ZNF207: variants seen among roughly 807,000 people sequenced by gnomAD.
ZNF207 encodes BUB3-interacting and GLEBS motif-containing protein ZNF207.
Under a neutral mutation model 60.2 loss-of-function variants are expected in ZNF207, and 24 were observed. The ratio of observed to expected loss-of-function variants is 0.40; its 90% CI spans 0.29 to 0.56. ZNF207 has a LOEUF of 0.56. Ranked by LOEUF, ZNF207 falls within the 20% of genes least tolerant of loss-of-function variation. ZNF207 has a pLI of 0.49. For missense variants in ZNF207, 452 were observed against 636.6 expected (o/e 0.71, Z 3.12); for synonymous variants, 236 against 194.7 (o/e 1.21, Z -1.77).
intron 1 of ZNF207, chr17:32,351,421 C>CA: frequency 7.7e-7 from 1 of 1,299,032 alleles, no homozygotes; most frequent in Non-Finnish European, 9.8e-7. Context: ...ATTGTCTTGA[C>CA]AGAACCTTAG....
chr17:32,374,761 A>G lies in ZNF207; in HGVS notation c.*5002A>G, dbSNP rs927739477. ...ACCTTTCAGCATGGATGGATTACTA[A>G]TTTTCAGGTATCGAAACTGAAATTT... On this transcript the variant is annotated 3_prime_UTR_variant, in exon 12 of 12. Transcript: ENST00000394670. 2.0e-5 allele frequency: 3 copies of G among 152,182 alleles called. No homozygotes were observed. The highest frequency in any genetic ancestry group is 7.2e-5 in the African/African-American group (3 of 41,450). The allele number at this position is 152,182 out of a possible 1,614,324, so 9.4% of individuals were successfully genotyped here. A position where few individuals can be genotyped will look rare whatever the true frequency, so the allele number is the denominator to read the frequency against.
intron 2 of ZNF207, among the ~76,000 whole-genome samples, chr17:32,357,862 T>A (rs760830840): frequency 4.6e-5 from 7 of 151,768 alleles, no homozygotes; most frequent in Non-Finnish European, 8.8e-5. Context: ...TGCAGTGGTG[T>A]GACCTCTGCT....
rs1331107663 is a variant in ZNF207 at position 32,370,700 on chromosome 17, T to G, written c.*941T>G. 1 of 152,254 alleles carries G rather than the reference T, an allele frequency of 6.6e-6. No homozygotes were observed. Among genetic ancestry groups the G allele is most frequent in the African/African-American group, 2.4e-5 (1 of 41,466 alleles). The allele number at this position is 152,254 out of a possible 1,614,324, so 9.4% of individuals were successfully genotyped here. On this transcript the variant is annotated 3_prime_UTR_variant, in exon 12 of 12. Transcript: ENST00000394670. Reference sequence around the variant, plus strand: ...CACTTTTCCTTCCTGCTGAGATGTTTAGAGCCTAGTGCCAGACCCATTCAT... The same window carrying G: ...CACTTTTCCTTCCTGCTGAGATGTTGAGAGCCTAGTGCCAGACCCATTCAT...
At position 32,360,595 on chromosome 17, in the gene ZNF207, CAGAA is replaced by C. The variant is rs777468368; in HGVS notation, c.308_311del (p.Glu103ValfsTer60). On this transcript the variant is annotated splice_acceptor_variant and coding_sequence_variant, in exon 4 of 12. Coordinates refer to ENST00000394670, the MANE Select transcript of ZNF207 (RefSeq NM_001098507.2). LOFTEE classifies it high-confidence loss of function. ...TATGGAAATAATTTTTTTTTTTTAACAGAAAGTCAAAAAAAGAAGCAACAAGATG... is the reference window on the plus strand; with the variant it reads ...TATGGAAATAATTTTTTTTTTTTAACAGTCAAAAAAAGAAGCAACAAGATG... The C allele has an allele frequency of 1.9e-6, 3 of 1,568,602 alleles. No homozygotes were observed. The highest frequency in any genetic ancestry group is 2.6e-6 in the Non-Finnish European group (3 of 1,164,012).
In ZNF207 at chr17:32,371,986, G is replaced by A. The variant is rs914877039; in HGVS notation, c.*2227G>A. 6.6e-6 allele frequency: 1 copy of A among 152,072 alleles called. No individual in the cohort carries two copies. Among genetic ancestry groups the A allele is most frequent in the African/African-American group, 2.4e-5 (1 of 41,388 alleles). 9.4% of individuals were successfully genotyped at this position (152,072 alleles called of 1,614,324 possible). A position where few individuals can be genotyped will look rare whatever the true frequency, so the allele number is the denominator to read the frequency against. ...AATATACTGCTGAAGGAAAACTTGT[G>A]TTGAAAGTCTTTAAGATAAAAATGG... On this transcript the variant is annotated 3_prime_UTR_variant, in exon 12 of 12. Transcript: ENST00000394670.
intron 2 of ZNF207, among the ~76,000 whole-genome samples, chr17:32,356,846 G>GA (rs953452362): frequency 1.3e-5 from 2 of 151,906 alleles, no homozygotes; most frequent in Non-Finnish European, 2.9e-5. Context: ...ACAATATAAT[G>GA]AAAAAAAATC....
rs1325007759 is a variant in ZNF207, at chr17:32,380,875, T to G, written c.*11116T>G. 1 of 151,906 alleles carries G rather than the reference T, an allele frequency of 6.6e-6. No homozygotes were observed. Among genetic ancestry groups the G allele is most frequent in the Non-Finnish European group, 1.5e-5 (1 of 68,046 alleles). The allele number at this position is 151,906 out of a possible 1,614,324, so 9.4% of individuals were successfully genotyped here. The stretch of plus-strand genomic sequence containing the variant: ...TGGAGGCTGAGGCAGGAAAATCGCT[T>G]GAACCCAGGGGGAGGAGGTTGCAGT... On this transcript the variant is annotated 3_prime_UTR_variant, in exon 12 of 12. Coordinates refer to ENST00000394670, the MANE Select transcript of ZNF207 (RefSeq NM_001098507.2).
rs1010876389 is a variant in ZNF207 at position 32,376,943 on chromosome 17, A to G, written c.*7184A>G. ...TGAAGTACTTTATTGGCATTTTCTA[A>G]GCCCTCTGACATTGTTAGTGTCTGG... On this transcript the variant is annotated 3_prime_UTR_variant, in exon 12 of 12. Coordinates refer to ENST00000394670, the MANE Select transcript of ZNF207 (RefSeq NM_001098507.2). 2 of 152,022 alleles carry G rather than the reference A, an allele frequency of 1.3e-5. No homozygotes were observed. Among genetic ancestry groups the G allele is most frequent in the African/African-American group, 4.8e-5 (2 of 41,440 alleles). 9.4% of individuals were successfully genotyped at this position (152,022 alleles called of 1,614,324 possible).
rs771533361 is a variant in ZNF207 at position 32,362,928 on chromosome 17, G to A, written c.614G>A (p.Gly205Asp). Residue 205 changes from glycine (G) to aspartate (D), a missense_variant, in exon 7 of 12, where the codon GGT becomes GAT. Physicochemically the swap from Gly to Asp is moderately conservative, Grantham distance 94. Transcript: ENST00000394670. ...CTTTCTAATAGAATGATGCCAATGG[G>A]TGGAATGATGCCACCTGGACCAGGA... Reference protein sequence around the residue: ...FCGENIMMPMGGMMPPGPGIP... With the variant: ...FCGENIMMPMDGMMPPGPGIP... The A allele has an allele frequency of 6.2e-7, 1 of 1,613,356 alleles. No homozygotes were observed. Among genetic ancestry groups the A allele is most frequent in the Non-Finnish European group, 8.5e-7 (1 of 1,179,956 alleles).
rs1428067348 is a variant in ZNF207 at position 32,365,444 on chromosome 17, C to A, written c.785C>A (p.Pro262Gln). 2 of 1,614,128 alleles carry A rather than the reference C, an allele frequency of 1.2e-6. No homozygotes were observed. The highest frequency in any genetic ancestry group is 8.5e-7 in the Non-Finnish European group (1 of 1,180,024). ...PPAPTATVPA[P>Q]QPPVTKPLFP... Reference sequence around the variant, plus strand: ...GCACCAACAGCAACTGTACCTGCCCCACAGCCTCCAGTTACTAAGCCTCTT... The same window carrying A: ...GCACCAACAGCAACTGTACCTGCCCAACAGCCTCCAGTTACTAAGCCTCTT... Residue 262 changes from proline (P) to glutamine (Q), a missense_variant, in exon 8 of 12, where the codon CCA becomes CAA. Coordinates refer to ENST00000394670, the MANE Select transcript of ZNF207 (RefSeq NM_001098507.2).
At position 32,370,516 on chromosome 17, in the gene ZNF207, G is replaced by A. The variant is rs1347541330; in HGVS notation, c.*757G>A. 1 of 152,200 alleles carries A rather than the reference G, an allele frequency of 6.6e-6. No individual in the cohort carries two copies. The highest frequency in any genetic ancestry group is 1.9e-4 in the East Asian group (1 of 5,200). The allele number at this position is 152,200 out of a possible 1,614,324, so 9.4% of individuals were successfully genotyped here. ...ATTTCTTAGCTGCATGTTTTAAACT[G>A]AATTTGCATAGAGTTGTATGTTAAT... On this transcript the variant is annotated 3_prime_UTR_variant, in exon 12 of 12. Coordinates refer to ENST00000394670, the MANE Select transcript of ZNF207 (RefSeq NM_001098507.2).
At chr17:32,358,721 C>T in intron 3 of ZNF207, 80 bp downstream of exon 3, 2 of 1,124,166 alleles carry the variant, frequency 1.8e-6, no homozygotes, top group Non-Finnish European at 2.3e-6. Context: ...TTACTCTGTC[C>T]AGCCGAGGCT....
chr17:32,351,518 G>A (rs1271893686), intron 1 of ZNF207: 2 of 1,516,612 alleles, frequency 1.3e-6, no homozygotes, highest in East Asian at 2.5e-5. Context: ...CGACATCTCT[G>A]TTAAACACAG....
chr17:32,369,518 A>G, intron 11 of ZNF207, 64 bp downstream of exon 11: 1 of 1,601,644 alleles, frequency 6.2e-7, no homozygotes, highest in African/African-American at 1.3e-5. Flanking sequence ...AAAATATTAA[A>G]TTTATCTGCA....
At chr17:32,361,098 C>T in intron 5 of ZNF207, 131 bp downstream of exon 5, 4 of 911,508 alleles carry the variant, frequency 4.4e-6, no homozygotes, top group Non-Finnish European at 6.6e-6. Flanking sequence ...TATATCTTGT[C>T]TAATAAAGGG....
intron 3 of ZNF207, 55 bp from the exon 4 acceptor site, chr17:32,360,543 G>A (rs1397682283): frequency 6.7e-7 from 1 of 1,490,396 alleles, no homozygotes; most frequent in Non-Finnish European, 9.0e-7. Context: ...ATTGAATGTT[G>A]TAAATAAACT....
rs955925368 is a variant in ZNF207, at chr17:32,376,536, A to G, written c.*6777A>G. ...TGTTCAGTTAGTCTCATGTATTCTC[A>G]GGGGAAAATGTCTTTATTTTACTAA... is the stretch of plus-strand genomic sequence containing the variant. On this transcript the variant is annotated 3_prime_UTR_variant, in exon 12 of 12. Transcript: ENST00000394670. The G allele has an allele frequency of 2.0e-5, 3 of 152,026 alleles. No individual in the cohort carries two copies. The highest frequency in any genetic ancestry group is 1.9e-4 in the East Asian group (1 of 5,198). 9.4% of individuals were successfully genotyped at this position (152,026 alleles called of 1,614,324 possible). A position where few individuals can be genotyped will look rare whatever the true frequency, so the allele number is the denominator to read the frequency against.
chr17:32,365,558 T>C, intron 8 of ZNF207, 71 bp downstream of exon 8: 3 of 1,408,964 alleles, frequency 2.1e-6, no homozygotes, highest in Non-Finnish European at 2.8e-6. Flanking sequence ...CAGAAGTCTT[T>C]GAAATTTTCA....
rs1450054190 is a variant in ZNF207, at chr17:32,380,930, T to G, written c.*11171T>G. Reference sequence around the variant, plus strand: ...CGAGATGGCGCCGTTGCACTCCAGCTTGGGTGACAGAGCGAGACTCCGTCT... The same window carrying G: ...CGAGATGGCGCCGTTGCACTCCAGCGTGGGTGACAGAGCGAGACTCCGTCT... On this transcript the variant is annotated 3_prime_UTR_variant, in exon 12 of 12. Transcript: ENST00000394670. 1 of 151,800 alleles carries G rather than the reference T, an allele frequency of 6.6e-6. No homozygotes were observed. The highest frequency in any genetic ancestry group is 6.6e-5 in the Admixed American group (1 of 15,232). The allele number at this position is 151,800 out of a possible 1,614,324, so 9.4% of individuals were successfully genotyped here. A position where few individuals can be genotyped will look rare whatever the true frequency, so the allele number is the denominator to read the frequency against.
Sources: gnomAD v4.1 joint callset for allele counts (sites outside exome capture counted in the v4.1 genomes callset) on GRCh38, gnomAD v4.1.1 for gene constraint, MANE v1.5 for transcripts, NCBI Gene and HGNC (gene_info 2026-07-23, HGNC 2026-07-21) for gene names.